ZMYND11: variants seen among roughly 807,000 people sequenced by gnomAD.
ZMYND11 encodes the protein zinc finger MYND-type containing 11.
A neutral mutation model predicts 84.9 loss-of-function variants in ZMYND11; 9 were observed. The observed-to-expected ratio is 0.11, with a 90% CI of 0.06 to 0.18. The LOEUF (loss-of-function observed/expected upper bound fraction) is 0.18, where lower values mean the gene tolerates loss of function less well. Among genes scored for constraint, ZMYND11 ranks in the 10% least tolerant of loss-of-function variants. ZMYND11 has a pLI of 1.00. For missense variants in ZMYND11, 409 were observed against 761.0 expected (o/e 0.54, Z 5.44); for synonymous variants, 250 against 244.1 (o/e 1.02, Z -0.23).
At chr10:221,431 A>C (rs1192916194) in intron 4 of ZMYND11, 75 bp downstream of exon 4, 2 of 1,499,522 alleles carry the variant, frequency 1.3e-6, no homozygotes, top group South Asian at 1.3e-5. Flanking sequence ...AAGATATCCC[A>C]GGTGGTCTTG....
intron 1 of ZMYND11, among the ~76,000 whole-genome samples, chr10:147,082 A>C (rs782413980): frequency 5.9e-5 from 9 of 152,252 alleles, no homozygotes; most frequent in Non-Finnish European, 1.2e-4. Flanking sequence ...AGCACTACCA[A>C]TTTGTGTACA....
intron 2 of ZMYND11, among the ~76,000 whole-genome samples, chr10:185,538 G>A (rs1456511242): frequency 7.1e-6 from 1 of 140,508 alleles, no homozygotes; most frequent in East Asian, 2.4e-4. Context: ...CGCGGGGTGG[G>A]CACAGTGGCT....
chr10:218,684 A>C (rs1006927513), intron 3 of ZMYND11, among the ~76,000 whole-genome samples: 2 of 152,164 alleles, frequency 1.3e-5, no homozygotes. Context: ...AAAAGCTTTC[A>C]TGTTTTGAAT....
intron 2 of ZMYND11, among the ~76,000 whole-genome samples, chr10:209,203 CA>C (rs1461144546): frequency 6.6e-6 from 1 of 151,996 alleles, no homozygotes; most frequent in African/African-American, 2.4e-5. Context: ...TTGGTGAATA[CA>C]AGGGAATCTG....
At chr10:247,673 G>C (rs957037329) in intron 12 of ZMYND11, among the ~76,000 whole-genome samples, 1 of 152,120 alleles carries the variant, frequency 6.6e-6, no homozygotes, top group African/African-American at 2.4e-5. Flanking sequence ...TAGCGTACAT[G>C]CTCCAAGTCT....
intron 1 of ZMYND11, among the ~76,000 whole-genome samples, chr10:165,037 C>T (rs1044865053): frequency 3.3e-5 from 5 of 152,066 alleles, no homozygotes; most frequent in East Asian, 1.9e-4. Flanking sequence ...TGTCTCTTTC[C>T]GGCTACTTTT....
At chr10:235,657 GAGA>G (rs973319455) in intron 4 of ZMYND11, among the ~76,000 whole-genome samples, 7 of 152,204 alleles carry the variant, frequency 4.6e-5, no homozygotes, top group African/African-American at 1.2e-4. Context: ...GGCCAGGGTT[GAGA>G]AGAACTGCTC....
chr10:149,687 A>G (rs1263070846), intron 1 of ZMYND11, among the ~76,000 whole-genome samples: 15 of 152,224 alleles, frequency 9.9e-5, no homozygotes, highest in African/African-American at 3.4e-4. Flanking sequence ...ATGTTTTAGT[A>G]TAAATGGGCA....
chr10:200,863 CATAA>C (rs1943021266), intron 2 of ZMYND11, among the ~76,000 whole-genome samples: 2 of 151,996 alleles, frequency 1.3e-5, no homozygotes, highest in Non-Finnish European at 2.9e-5. Context: ...TCATATTTGT[CATAA>C]ATGTTTTTCC....
chr10:228,176 T>G (rs1235842299), intron 4 of ZMYND11, among the ~76,000 whole-genome samples: 2 of 152,182 alleles, frequency 1.3e-5, no homozygotes, highest in Non-Finnish European at 2.9e-5. Context: ...ATCCTATGTA[T>G]TGTTATCTAG....
chr10:254,368 CAAAATT>C lies in ZMYND11; in HGVS notation c.*1903_*1908del, dbSNP rs1035547306. On this transcript the variant is annotated 3_prime_UTR_variant, in exon 15 of 15. Transcript: ENST00000381604. ...TGAAAACTGTGTGTTTAAAAAAAAA[CAAAATT>C]AAAAAAAGAGATTGTGGCCTGGTTT... 6.6e-6 allele frequency: 1 copy of C among 152,078 alleles called. No homozygotes were observed. The highest frequency in any genetic ancestry group is 1.5e-5 in the Non-Finnish European group (1 of 67,898). The allele number at this position is 152,078 out of a possible 1,614,324, so 9.4% of individuals were successfully genotyped here.
chr10:242,544 C>G (rs1341962105), intron 10 of ZMYND11, among the ~76,000 whole-genome samples: 1 of 152,102 alleles, frequency 6.6e-6, no homozygotes, highest in African/African-American at 2.4e-5. Context: ...TGTGATCTTA[C>G]AATGTGTGTA....
chr10:148,893 G>A (rs545836717), intron 1 of ZMYND11: 2 of 152,180 alleles, frequency 1.3e-5, no homozygotes, highest in South Asian at 4.1e-4. Flanking sequence ...TTTAAAGTGT[G>A]CTAAGTCAAA....
intron 12 of ZMYND11, among the ~76,000 whole-genome samples, chr10:248,115 T>C (rs1160027008): frequency 4.6e-5 from 7 of 152,202 alleles, no homozygotes; most frequent in African/African-American, 1.7e-4. Flanking sequence ...ATTGTAGCTG[T>C]TAATTGCATG....
chr10:245,874 G>A (rs1285173540), intron 10 of ZMYND11, among the ~76,000 whole-genome samples: 2 of 152,256 alleles, frequency 1.3e-5, no homozygotes, highest in East Asian at 1.9e-4. Flanking sequence ...CAGAAGACCC[G>A]AGAGATTCCA....
At chr10:225,188 T>C (rs1403632007) in intron 4 of ZMYND11, among the ~76,000 whole-genome samples, 1 of 152,212 alleles carries the variant, frequency 6.6e-6, no homozygotes, top group African/African-American at 2.4e-5. Flanking sequence ...TAACATGGGA[T>C]TTTTAGGTTT....
intron 12 of ZMYND11, 90 bp from the exon 13 acceptor site, chr10:248,246 A>G (rs1185469447): frequency 6.7e-6 from 10 of 1,491,414 alleles, no homozygotes; most frequent in Non-Finnish European, 9.1e-6. Context: ...TATTATGTAT[A>G]TCACTGAATT....
In ZMYND11 at chr10:240,875, G is replaced by GTT; in HGVS notation, c.754-16_754-15dup. On this transcript the variant is annotated splice_polypyrimidine_tract_variant and intron_variant, in intron 8 of 14. Coordinates refer to ENST00000381604, the MANE Select transcript of ZMYND11 (RefSeq NM_001370100.5). ...TGTATATTTTATGTAGGCTAAAGTA[G>GTT]TTTCTTTTCTTTTTCAGCTGGATGA... is the stretch of plus-strand genomic sequence containing the variant. The GTT allele has an allele frequency of 6.2e-7, 1 of 1,603,666 alleles. No individual in the cohort carries two copies. The highest frequency in any genetic ancestry group is 8.5e-7 in the Non-Finnish European group (1 of 1,173,530).
At chr10:235,870 A>ATAAACAGTGTACGTACGTAT (rs1949869389) in intron 4 of ZMYND11, among the ~76,000 whole-genome samples, 1 of 152,252 alleles carries the variant, frequency 6.6e-6, no homozygotes, top group South Asian at 2.1e-4. Flanking sequence ...TTATGTGTTT[A>ATAAACAGTGTACGTACGTAT]TAAACAGTGT....
Sources: gnomAD v4.1 joint callset for allele counts (sites outside exome capture counted in the v4.1 genomes callset) on GRCh38, gnomAD v4.1.1 for gene constraint, MANE v1.5 for transcripts, NCBI Gene and HGNC (gene_info 2026-07-23, HGNC 2026-07-21) for gene names.